NRXN3: variants seen among roughly 807,000 people sequenced by gnomAD.
NRXN3 encodes the protein neurexin III.
NRXN3 carries 32 observed loss-of-function variants against 137.6 expected under a neutral mutation model. The ratio of observed to expected loss-of-function variants is 0.23; its 90% CI spans 0.18 to 0.31. The LOEUF is 0.31. NRXN3 is among the 10% of genes least tolerant of loss of function. NRXN3 has a pLI of 1.00. For missense variants in NRXN3, 1,574 were observed against 2,062.5 expected (o/e 0.76, Z 4.59); for synonymous variants, 798 against 784.5 (o/e 1.02, Z -0.29).
intron 2 of NRXN3, among the ~76,000 whole-genome samples, chr14:78,274,930 G>A (rs1031516771): frequency 1.3e-5 from 2 of 152,158 alleles, no homozygotes; most frequent in African/African-American, 2.4e-5. Context: ...TGTGTGAATG[G>A]TAGAGCTAGG....
At chr14:79,273,797 A>G (rs1566629752) in intron 15 of NRXN3, among the ~76,000 whole-genome samples, 1 of 151,962 alleles carries the variant, frequency 6.6e-6, no homozygotes, top group Non-Finnish European at 1.5e-5. Context: ...AAACTAAACT[A>G]CAAAGAAGCT....
intron 15 of NRXN3, among the ~76,000 whole-genome samples, chr14:79,255,708 A>T (rs997620787): frequency 6.6e-6 from 1 of 152,238 alleles, no homozygotes; most frequent in African/African-American, 2.4e-5. Flanking sequence ...AGCGAGGATT[A>T]TGCCCTCTGA....
chr14:79,096,117 T>A (rs549044486), intron 15 of NRXN3, among the ~76,000 whole-genome samples: 8 of 151,916 alleles, frequency 5.3e-5, no homozygotes, highest in Non-Finnish European at 8.8e-5. Context: ...ATTCTTTTTT[T>A]TTTTTGTAGA....
chr14:78,384,985 A>T (rs1040981140), intron 4 of NRXN3, among the ~76,000 whole-genome samples: 9 of 152,188 alleles, frequency 5.9e-5, no homozygotes, highest in African/African-American at 2.2e-4. Flanking sequence ...AACCAGGGAA[A>T]TCAAACACTG....
At chr14:78,314,636 A>G (rs1396331934) in intron 4 of NRXN3, among the ~76,000 whole-genome samples, 3 of 152,180 alleles carry the variant, frequency 2.0e-5, no homozygotes, top group Non-Finnish European at 4.4e-5. Context: ...GGGAAATGCA[A>G]TTTATCTCTG....
chr14:79,602,111 C>T (rs1399849372), intron 16 of NRXN3, among the ~76,000 whole-genome samples: 1 of 152,210 alleles, frequency 6.6e-6, no homozygotes, highest in Non-Finnish European at 1.5e-5. Context: ...ATACCTACTG[C>T]AAGAACCCTG....
chr14:79,704,405 A>AAACTGGTT (rs779442419), intron 19 of NRXN3, among the ~76,000 whole-genome samples: 30 of 152,122 alleles, frequency 2.0e-4, no homozygotes, highest in Non-Finnish European at 4.1e-4. Flanking sequence ...CACTGTATCA[A>AAACTGGTT]AACTGGTTAT....
At chr14:79,755,420 C>T (rs1351472343) in intron 19 of NRXN3, among the ~76,000 whole-genome samples, 1 of 151,842 alleles carries the variant, frequency 6.6e-6, no homozygotes. Context: ...CTAGATTCCT[C>T]TACAGTGTAA....
intron 19 of NRXN3, among the ~76,000 whole-genome samples, chr14:79,731,347 G>A (rs764307326): frequency 1.3e-5 from 2 of 152,204 alleles, no homozygotes; most frequent in African/African-American, 2.4e-5. Context: ...TTGTGTTTCA[G>A]ACATTCCCTC....
At chr14:79,393,543 A>G (rs1194608628) in intron 15 of NRXN3, among the ~76,000 whole-genome samples, 1 of 152,228 alleles carries the variant, frequency 6.6e-6, no homozygotes, top group Non-Finnish European at 1.5e-5. Flanking sequence ...TTAAAAGCAC[A>G]TATTGATTAA....
chr14:78,785,790 T>C (rs886599703), intron 8 of NRXN3, among the ~76,000 whole-genome samples: 1 of 152,156 alleles, frequency 6.6e-6, no homozygotes, highest in Non-Finnish European at 1.5e-5. Context: ...ATTTCAATGG[T>C]GGCCATAGCA....
intron 19 of NRXN3, among the ~76,000 whole-genome samples, chr14:79,792,315 TG>T (rs1268014444): frequency 6.6e-6 from 1 of 152,222 alleles, no homozygotes; most frequent in Non-Finnish European, 1.5e-5. Flanking sequence ...ATTATAAATG[TG>T]GCTTCTCTTG....
intron 16 of NRXN3, among the ~76,000 whole-genome samples, chr14:79,629,220 C>A (rs2098315454): frequency 6.6e-6 from 1 of 151,934 alleles, no homozygotes; most frequent in Admixed American, 6.6e-5. Context: ...TACTTTGTTG[C>A]TGGGGTTGGG....
chr14:78,643,750 G>A (rs1601791825), intron 4 of NRXN3, among the ~76,000 whole-genome samples: 1 of 152,086 alleles, frequency 6.6e-6, no homozygotes, highest in South Asian at 2.1e-4. Flanking sequence ...AATGCATGTG[G>A]TTGCCCCAGC....
chr14:79,472,857 C>T (rs1175394043), intron 16 of NRXN3, among the ~76,000 whole-genome samples: 4 of 152,136 alleles, frequency 2.6e-5, no homozygotes, highest in African/African-American at 7.2e-5. Context: ...TATCATGAAA[C>T]TCTTGTCAAC....
chr14:79,386,839 C>T (rs1350844099), intron 15 of NRXN3, among the ~76,000 whole-genome samples: 3 of 152,182 alleles, frequency 2.0e-5, no homozygotes, highest in Non-Finnish European at 4.4e-5. Flanking sequence ...CTGAGAAAAA[C>T]AAGCAATGGG....
At chr14:78,671,158 A>G (rs569378488) in intron 6 of NRXN3, among the ~76,000 whole-genome samples, 1 of 152,210 alleles carries the variant, frequency 6.6e-6, no homozygotes, top group African/African-American at 2.4e-5. Flanking sequence ...AAGCTAAGAA[A>G]GTAGGAAGTT....
intron 17 of NRXN3, 84 bp downstream of exon 17, chr14:79,664,033 C>T: frequency 7.2e-7 from 1 of 1,390,824 alleles, no homozygotes; most frequent in South Asian, 1.3e-5. Context: ...ATGACTGTCA[C>T]CAAATTCCAG....
chr14:79,835,546 G>T (rs2099338664), intron 20 of NRXN3, among the ~76,000 whole-genome samples: 1 of 151,804 alleles, frequency 6.6e-6, no homozygotes, highest in Admixed American at 6.6e-5. Context: ...CATTTTTTGG[G>T]GCTCTGTTCT....
Sources: allele counts gnomAD v4.1 joint callset (sites outside exome capture counted in the v4.1 genomes callset), GRCh38; gene constraint gnomAD v4.1.1; transcripts MANE v1.5; gene names NCBI Gene and HGNC (gene_info 2026-07-23, HGNC 2026-07-21).